The following LRRFIP1 variants were observed in gnomAD, a reference collection of about 807,000 sequenced individuals.
LRRFIP1 encodes LRR binding FLII interacting protein 1.
Under a neutral mutation model 104.4 loss-of-function variants are expected in LRRFIP1, and 62 were observed. The ratio of observed to expected loss-of-function variants is 0.59; its 90% CI spans 0.48 to 0.73. The LOEUF (loss-of-function observed/expected upper bound fraction) is 0.73, where lower values mean the gene tolerates loss of function less well. LRRFIP1 is among the 30% of genes least tolerant of loss of function. The pLI, the probability that LRRFIP1 is intolerant of heterozygous loss-of-function variation, is 0.00. For missense variants in LRRFIP1, 796 were observed against 824.5 expected, an observed-to-expected ratio of 0.97 and a Z score of 0.42; for synonymous variants, 300 against 299.0, an observed-to-expected ratio of 1.00 and a Z score of -0.03.
intron 1 of LRRFIP1, among the ~76,000 whole-genome samples, chr2:237,658,840 G>A (rs2087314181): frequency 6.6e-6 from 1 of 152,174 alleles, no homozygotes; most frequent in African/African-American, 2.4e-5. Flanking sequence ...TGGGGATTAT[G>A]GAGATTACAA....
chr2:237,756,876 A>G (rs2059326853), intron 16 of LRRFIP1, among the ~76,000 whole-genome samples: 1 of 152,162 alleles, frequency 6.6e-6, no homozygotes, highest in African/African-American at 2.4e-5. Context: ...ATTATCCTGG[A>G]TTATTTGATG....
At chr2:237,765,460 A>AAAAT in intron 19 of LRRFIP1, 2 of 773,808 alleles carry the variant, frequency 2.6e-6, no homozygotes, top group Non-Finnish European at 3.1e-6. Context: ...AAAAAAAAAA[A>AAAAT]GTTTTTGAAC....
At chr2:237,647,823 C>T (rs999912220) in intron 1 of LRRFIP1, among the ~76,000 whole-genome samples, 1 of 150,246 alleles carries the variant, frequency 6.7e-6, no homozygotes, top group South Asian at 2.1e-4. Context: ...CACGCCCTGT[C>T]GCCCTGTGGC....
rs568777371 is a variant in LRRFIP1 at position 237,757,678 on chromosome 2, G to A, written c.1224+130G>A. ...TGCAACTCCCACGTGACACAAAGTC[G>A]TATTAATTTATTTAATTTTATTAAG... is the stretch of plus-strand genomic sequence containing the variant. On this transcript the variant is annotated intron_variant, in intron 17 of 23. Coordinates refer to ENST00000308482, the MANE Select transcript of LRRFIP1 (RefSeq NM_001137550.2). The A allele has an allele frequency of 4.9e-4, 335 of 680,538 alleles. 5 individuals carry two copies. In the South Asian group the frequency reaches 5.4e-3, roughly 11 times the overall value. 42.2% of individuals were successfully genotyped at this position (680,538 alleles called of 1,614,324 possible).
intron 16 of LRRFIP1, among the ~76,000 whole-genome samples, chr2:237,757,213 G>A (rs1262610358): frequency 2.0e-5 from 3 of 152,226 alleles, no homozygotes; most frequent in East Asian, 1.9e-4. Flanking sequence ...TGACTTAATC[G>A]GTTCTTTAAC....
At chr2:237,640,444 CA>C (rs1049123231) in intron 1 of LRRFIP1, among the ~76,000 whole-genome samples, 1 of 152,048 alleles carries the variant, frequency 6.6e-6, no homozygotes, top group African/African-American at 2.4e-5. Context: ...TCAGATTACT[CA>C]AAATCCAGGT....
intron 18 of LRRFIP1, 93 bp from the exon 19 acceptor site, chr2:237,759,944 CTCTGTGGAGTTACCCTGTACTTCAGGA>C (rs1393359561): frequency 7.0e-5 from 58 of 827,016 alleles, no homozygotes; most frequent in Non-Finnish European, 1.0e-4. Flanking sequence ...TTTCTCTTGT[CTCTGTGGAGTTACCCTGTACTTCAGGA>C]AAAAATGGTT....
intron 11 of LRRFIP1, among the ~76,000 whole-genome samples, chr2:237,744,991 G>A (rs538127157): frequency 3.3e-5 from 5 of 152,250 alleles, no homozygotes; most frequent in East Asian, 3.8e-4. Flanking sequence ...TGCAGTGGCC[G>A]TGACAGTGTT....
intron 5 of LRRFIP1, among the ~76,000 whole-genome samples, chr2:237,720,497 G>T (rs2094500370): frequency 6.6e-6 from 1 of 150,814 alleles, no homozygotes; most frequent in Non-Finnish European, 1.5e-5. Flanking sequence ...TGATCTGCCT[G>T]CCTCGGCCTC....
Position 237,755,508 on chromosome 2 carries a change from C to T in LRRFIP1, c.1039-587C>T, listed in dbSNP as rs145554914. On this transcript the variant is annotated intron_variant, in intron 15 of 23. Transcript: ENST00000308482. Reference sequence around the variant, plus strand: ...CACCAGGCTCCCTGGGGGGGCCCTTCGTCGGCTCTTGCTTCACTGTAGATA... The same window carrying T: ...CACCAGGCTCCCTGGGGGGGCCCTTTGTCGGCTCTTGCTTCACTGTAGATA... 6.2e-3 allele frequency among the ~76,000 whole-genome samples: 946 copies of T among 152,346 alleles called. 14 individuals are homozygous for T. Among genetic ancestry groups the T allele is most frequent in the African/African-American group, 0.022 (894 of 41,580 alleles).
chr2:237,658,926 T>C (rs869069403), intron 1 of LRRFIP1, among the ~76,000 whole-genome samples: 5 of 152,078 alleles, frequency 3.3e-5, no homozygotes, highest in African/African-American at 1.2e-4. Flanking sequence ...GAAAATATTA[T>C]AAGTCTGTAA....
chr2:237,671,633 C>T (rs1199711436), intron 1 of LRRFIP1, among the ~76,000 whole-genome samples: 1 of 151,954 alleles, frequency 6.6e-6, no homozygotes, highest in Non-Finnish European at 1.5e-5. Context: ...CAGGAGCTCT[C>T]ACCCTGCAGT....
At chr2:237,736,177 T>G (rs552304638) in intron 10 of LRRFIP1, among the ~76,000 whole-genome samples, 1 of 152,378 alleles carries the variant, frequency 6.6e-6, no homozygotes, top group South Asian at 2.1e-4. Flanking sequence ...ATTCTTATGG[T>G]GTAAGCCAGT....
chr2:237,774,204 C>A, intron 22 of LRRFIP1, 154 bp from the exon 23 acceptor site: 1 of 608,370 alleles, frequency 1.6e-6, no homozygotes, highest in Non-Finnish European at 2.9e-6. Context: ...GCTTGCTTGG[C>A]TCAAACCCAC....
chr2:237,650,351 G>C (rs1481332942), intron 1 of LRRFIP1, among the ~76,000 whole-genome samples: 2 of 151,908 alleles, frequency 1.3e-5, no homozygotes, highest in Non-Finnish European at 2.9e-5. Context: ...AGACAGCTGG[G>C]GGCGAGACTC....
At chr2:237,645,748 A>T (rs1266440763) in intron 1 of LRRFIP1, among the ~76,000 whole-genome samples, 2 of 152,032 alleles carry the variant, frequency 1.3e-5, no homozygotes, top group Admixed American at 6.5e-5. Flanking sequence ...TTTAGAAATT[A>T]TCTTAAACAA....
chr2:237,762,592 T>C lies in LRRFIP1; in HGVS notation c.1459+2387T>C. 2.5e-6 allele frequency: 4 copies of C among 1,579,752 alleles called. No individual in the cohort carries two copies. In the South Asian group the frequency reaches 4.6e-5, roughly 18 times the overall value. On this transcript the variant is annotated intron_variant, in intron 19 of 23. Transcript: ENST00000308482. ...CATGGGGTCCCTTCAATTTTCTCAA[T>C]GGTCTTTTAGGAAGAGCCAGTGAAG...
At chr2:237,747,501 C>T (rs371614025) in intron 11 of LRRFIP1, among the ~76,000 whole-genome samples, 9 of 152,208 alleles carry the variant, frequency 5.9e-5, no homozygotes, top group African/African-American at 2.2e-4. Flanking sequence ...GCACCAGCGT[C>T]TGTGCAGCTC....
intron 16 of LRRFIP1, among the ~76,000 whole-genome samples, chr2:237,757,204 G>T (rs1052698332): frequency 6.6e-6 from 1 of 152,130 alleles, no homozygotes; most frequent in Admixed American, 6.5e-5. Flanking sequence ...TTAATTTTTT[G>T]ACTTAATCGG....
Sources: allele counts gnomAD v4.1 joint callset (sites outside exome capture counted in the v4.1 genomes callset), GRCh38; gene constraint gnomAD v4.1.1; transcripts MANE v1.5; gene names NCBI Gene and HGNC (gene_info 2026-07-23, HGNC 2026-07-21).